The following PTPN13 variants were observed in gnomAD, a reference collection of about 807,000 sequenced individuals.
The protein encoded by PTPN13 is tyrosine-protein phosphatase non-receptor type 13.
Under a neutral mutation model 284.0 loss-of-function variants are expected in PTPN13, and 191 were observed. The ratio of observed to expected loss-of-function variants is 0.67; its 90% confidence interval spans 0.60 to 0.76. The LOEUF is 0.76. Among genes scored for constraint, PTPN13 ranks in the 30% least tolerant of loss-of-function variants. PTPN13 has a pLI of 0.00. For synonymous variants in PTPN13, 986 were observed against 1,022.3 expected (o/e 0.96, Z 0.68); for missense variants, 2,797 against 2,939.9 (o/e 0.95, Z 1.12).
At chr4:86,683,348 G>T (rs1421856023) in intron 3 of PTPN13, among the ~76,000 whole-genome samples, 1 of 152,200 alleles carries the variant, frequency 6.6e-6, no homozygotes, top group Non-Finnish European at 1.5e-5. Flanking sequence ...TGTAGTTCTA[G>T]TTCAAAGACT....
At chr4:86,782,633 G>A (rs1313943735) in intron 37 of PTPN13, among the ~76,000 whole-genome samples, 8 of 152,086 alleles carry the variant, frequency 5.3e-5, no homozygotes, top group South Asian at 2.1e-4. Flanking sequence ...TATTTTTGGC[G>A]AGTAGTAACC....
chr4:86,647,235 A>G (rs1724547938), intron 2 of PTPN13, among the ~76,000 whole-genome samples: 1 of 152,202 alleles, frequency 6.6e-6, no homozygotes, highest in South Asian at 2.1e-4. Context: ...TATGTCAGTT[A>G]TTCCCTAACA....
intron 5 of PTPN13, among the ~76,000 whole-genome samples, chr4:86,690,995 T>A (rs1250858606): frequency 1.3e-5 from 2 of 152,066 alleles, no homozygotes; most frequent in Admixed American, 1.3e-4. Context: ...GGCTATAAAA[T>A]GATACATAGT....
chr4:86,758,968 G>A lies in PTPN13; in HGVS notation c.3448G>A (p.Val1150Met), dbSNP rs371291700. ...AGACCGTTTGATATCTGTGAATAGT[G>A]TGAGTCTGGAGGGAGTCAGCCACCA... is the stretch of plus-strand genomic sequence containing the variant. ...PGDRLISVNSVSLEGVSHHAA... is the reference protein window; with the variant it reads ...PGDRLISVNSMSLEGVSHHAA... Residue 1150 changes from valine (V) to methionine (M), a missense_variant, in exon 23 of 48, where the codon GTG becomes ATG. Transcript: ENST00000411767. 1 of 1,613,600 alleles carries A rather than the reference G, an allele frequency of 6.2e-7. No individual in the cohort carries two copies. The highest frequency in any genetic ancestry group is 8.5e-7 in the Non-Finnish European group (1 of 1,179,726).
chr4:86,631,333 G>C (rs1380525444), intron 1 of PTPN13, among the ~76,000 whole-genome samples: 1 of 150,630 alleles, frequency 6.6e-6, no homozygotes, highest in African/African-American at 2.4e-5. Context: ...TCATTCCCTT[G>C]TTATCTTCGG....
rs770517951 is a variant in PTPN13 at position 86,809,738 on chromosome 4, A to G, written c.7084-31A>G. ...CTGTATGTGAACAATATAACATGTC[A>G]TGATCCACTTATTCTGTTATACAAT... On this transcript the variant is annotated intron_variant, in intron 45 of 47. Transcript: ENST00000411767. The G allele has an allele frequency of 3.8e-6, 6 of 1,562,900 alleles. No individual in the cohort carries two copies. The African/African-American group carries it at 5.4e-5, about 14-fold the overall frequency.
chr4:86,740,555 C>G (rs762358413), intron 15 of PTPN13, among the ~76,000 whole-genome samples: 4 of 152,176 alleles, frequency 2.6e-5, no homozygotes, highest in African/African-American at 4.8e-5. Context: ...CCTAAACCTC[C>G]AGGCCTGCAA....
intron 25 of PTPN13, 84 bp from the exon 26 acceptor site, chr4:86,765,311 A>G (rs1739175572): frequency 1.0e-6 from 1 of 988,010 alleles, no homozygotes; most frequent in Non-Finnish European, 1.6e-6. Context: ...GCTTTGGCTA[A>G]TGAATCCTTT....
chr4:86,606,960 CAA>C (rs1334385094), intron 1 of PTPN13, among the ~76,000 whole-genome samples: 1 of 151,780 alleles, frequency 6.6e-6, no homozygotes, highest in Non-Finnish European at 1.5e-5. Flanking sequence ...AAAAATAACT[CAA>C]GAGGAAATAA....
At chr4:86,807,440 G>A (rs774775811) in intron 44 of PTPN13, 120 bp from the exon 45 acceptor site, 31 of 710,278 alleles carry the variant, frequency 4.4e-5, no homozygotes, top group African/African-American at 8.9e-5. Flanking sequence ...ATTAAAATAC[G>A]TTGGTGATTT....
intron 2 of PTPN13, among the ~76,000 whole-genome samples, chr4:86,636,849 GA>G (rs1385175142): frequency 6.6e-6 from 1 of 152,022 alleles, no homozygotes; most frequent in Non-Finnish European, 1.5e-5. Context: ...GAAGGAAATA[GA>G]GACTAAAAAA....
chr4:86,811,176 T>A, intron 47 of PTPN13, 68 bp downstream of exon 47: 1 of 1,433,522 alleles, frequency 7.0e-7, no homozygotes, highest in Non-Finnish European at 9.5e-7. Context: ...AGGTTCTTAT[T>A]AAACCATTTT....
intron 15 of PTPN13, among the ~76,000 whole-genome samples, chr4:86,739,997 C>T (rs1735983005): frequency 6.6e-6 from 1 of 152,304 alleles, no homozygotes; most frequent in South Asian, 2.1e-4. Context: ...AGGTGGGCTC[C>T]CAAGGTCTTG....
intron 2 of PTPN13, among the ~76,000 whole-genome samples, chr4:86,637,239 C>A (rs1040086658): frequency 1.1e-4 from 16 of 151,904 alleles, no homozygotes; most frequent in African/African-American, 3.9e-4. Flanking sequence ...CAGCCGAATT[C>A]TACCAGAGGT....
chr4:86,691,881 G>A (rs139338351), intron 5 of PTPN13, among the ~76,000 whole-genome samples: 77 of 152,186 alleles, frequency 5.1e-4, no homozygotes, highest in African/African-American at 1.7e-3. Context: ...ATTAATTAGC[G>A]TGAGTAAAAG....
intron 35 of PTPN13, among the ~76,000 whole-genome samples, chr4:86,778,917 A>G (rs1330499930): frequency 2.0e-5 from 3 of 150,704 alleles, no homozygotes; most frequent in Admixed American, 6.6e-5. Context: ...TATTTTTTTA[A>G]TAAAAATGAG....
intron 15 of PTPN13, among the ~76,000 whole-genome samples, chr4:86,738,082 T>C (rs1209211690): frequency 1.3e-5 from 2 of 152,132 alleles, no homozygotes; most frequent in African/African-American, 4.8e-5. Flanking sequence ...TAGTTTCTTT[T>C]CTTTTTTTTT....
At chr4:86,649,850 G>T (rs965944292) in intron 2 of PTPN13, among the ~76,000 whole-genome samples, 2 of 152,150 alleles carry the variant, frequency 1.3e-5, no homozygotes, top group African/African-American at 4.8e-5. Flanking sequence ...ATATCTAAAT[G>T]CATGTCAGCT....
At chr4:86,813,529 C>T (rs1210623027) in intron 47 of PTPN13, among the ~76,000 whole-genome samples, 1 of 152,110 alleles carries the variant, frequency 6.6e-6, no homozygotes, top group African/African-American at 2.4e-5. Flanking sequence ...ACTGCAACCT[C>T]CACCTCCCAG....
Sources: gnomAD v4.1 joint callset for allele counts (sites outside exome capture counted in the v4.1 genomes callset) on GRCh38, gnomAD v4.1.1 for gene constraint, MANE v1.5 for transcripts, NCBI Gene and HGNC (gene_info 2026-07-23, HGNC 2026-07-21) for gene names.